FERMT3: variants seen among roughly 807,000 people sequenced by gnomAD.
FERMT3 encodes the protein FERM domain containing kindlin 3.
A neutral mutation model predicts 80.8 loss-of-function variants in FERMT3; 33 were observed. The observed-to-expected ratio is 0.41, with a 90% CI of 0.31 to 0.55. The LOEUF is 0.55. Among genes scored for constraint, FERMT3 ranks in the 20% least tolerant of loss-of-function variants. FERMT3 has a pLI of 0.31. For missense variants in FERMT3, 754 were observed against 908.7 expected (o/e 0.83, Z 2.19); for synonymous variants, 375 against 372.2 (o/e 1.01, Z -0.09).
Position 64,223,754 on chromosome 11 carries a change from G to T in FERMT3, c.*262G>T. Reference sequence around the variant, plus strand: ...CTGAGTGGCTGAGGCTGATACCCCTGACCTATCTGCAGTCCCCCAGCACAC... The same window carrying T: ...CTGAGTGGCTGAGGCTGATACCCCTTACCTATCTGCAGTCCCCCAGCACAC... On this transcript the variant is annotated 3_prime_UTR_variant, in exon 15 of 15. Transcript: ENST00000345728. The T allele has an allele frequency of 1.2e-6, 1 of 806,664 alleles. No individual in the cohort carries two copies. The highest frequency in any genetic ancestry group is 1.8e-5 in the South Asian group (1 of 56,130). 50.0% of individuals were successfully genotyped at this position (806,664 alleles called of 1,614,324 possible).
Position 64,210,389 on chromosome 11 carries a change from C to T in FERMT3, c.161-222C>T, listed in dbSNP as rs1319690609. Among the ~76,000 whole-genome samples the T allele has an allele frequency of 1.3e-4, 20 of 152,172 alleles. No homozygotes were observed. The highest frequency in any genetic ancestry group is 6.5e-5 in the Admixed American group (1 of 15,284). On this transcript the variant is annotated intron_variant, in intron 2 of 14. Transcript: ENST00000345728. This position sits in a 1 kb window ranked among gnomAD's most constrained non-coding sequence, Gnocchi z 4.3. ...TGGGTTGGAGAGCTCCCCTGGGAAG[C>T]GATATAGAAGCCAAGCCTAGAAGGC...
At chr11:64,217,857 C>T (rs1946583930) in intron 6 of FERMT3, among the ~76,000 whole-genome samples, 1 of 152,208 alleles carries the variant, frequency 6.6e-6, no homozygotes, top group Admixed American at 6.5e-5. Flanking sequence ...GTTCTTTTTG[C>T]TGATTGCTTT....
intron 6 of FERMT3, among the ~76,000 whole-genome samples, chr11:64,217,114 G>A (rs1216899629): frequency 1.3e-5 from 2 of 152,112 alleles, no homozygotes; most frequent in Admixed American, 6.6e-5. Flanking sequence ...ACTCTTTGTC[G>A]GGCATTTCTC....
chr11:64,212,231 T>C (rs956337248), intron 6 of FERMT3, among the ~76,000 whole-genome samples: 20 of 152,204 alleles, frequency 1.3e-4, no homozygotes, highest in African/African-American at 4.6e-4. Context: ...CCTTCCTCCA[T>C]TGGCAACCAA....
At chr11:64,218,985 T>A (rs2134878230) in intron 6 of FERMT3, among the ~76,000 whole-genome samples, 1 of 152,384 alleles carries the variant, frequency 6.6e-6, no homozygotes. Flanking sequence ...ACTCGGTCTC[T>A]CCTGCACCCA....
Position 64,211,218 on chromosome 11 carries a change from G to C in FERMT3, c.514+47G>C. ...CCTGGGGGGTTGGGGGCAGGGGCCG[G>C]CCCGTGAGTCCCAGCCCTGGGGGAC... On this transcript the variant is annotated intron_variant, in intron 4 of 14. Transcript: ENST00000345728. The surrounding 1 kb of genome is among the most constrained non-coding windows in gnomAD (Gnocchi z 4.7). The C allele has an allele frequency of 1.9e-6, 3 of 1,603,136 alleles. No homozygotes were observed. The highest frequency in any genetic ancestry group is 2.6e-6 in the Non-Finnish European group (3 of 1,175,854).
chr11:64,211,860 G>C lies in FERMT3; in HGVS notation c.786+113G>C, dbSNP rs1046367727. 9.8e-7 allele frequency: 1 copy of C among 1,016,562 alleles called. No homozygotes were observed. Among genetic ancestry groups the C allele is most frequent in the African/African-American group, 1.6e-5 (1 of 63,588 alleles). 63.0% of individuals were successfully genotyped at this position (1,016,562 alleles called of 1,614,324 possible). A position where few individuals can be genotyped will look rare whatever the true frequency, so the allele number is the denominator to read the frequency against. ...CTTGTAGTGGCCTGTCCGTCTGCCC[G>C]TTTGTCCATCCACACCTTTGTTTAC... On this transcript the variant is annotated intron_variant, in intron 6 of 14. Coordinates refer to ENST00000345728, the MANE Select transcript of FERMT3 (RefSeq NM_031471.6). This position sits in a 1 kb window ranked among gnomAD's most constrained non-coding sequence, Gnocchi z 4.7.
upstream of FERMT3, chr11:64,206,612 G>A (rs2134825239): frequency 6.5e-6 from 1 of 152,806 alleles, no homozygotes; most frequent in Admixed American, 6.5e-5. Flanking sequence ...GGGGCCCCTG[G>A]AACCCTCTGT....
Position 64,220,678 on chromosome 11 carries a change from A to T in FERMT3, c.1545+9A>T, listed in dbSNP as rs1278911662. On this transcript the variant is annotated intron_variant, in intron 12 of 14. Coordinates refer to ENST00000345728, the MANE Select transcript of FERMT3 (RefSeq NM_031471.6). Reference sequence around the variant, plus strand: ...AGTTCAAGGCCAAGCAGGTACCAGAAGGCGTCAGGGTGGGAATGAGCATAG... The same window carrying T: ...AGTTCAAGGCCAAGCAGGTACCAGATGGCGTCAGGGTGGGAATGAGCATAG... 6.2e-7 allele frequency: 1 copy of T among 1,605,692 alleles called. No individual in the cohort carries two copies. The highest frequency in any genetic ancestry group is 8.5e-7 in the Non-Finnish European group (1 of 1,175,920).
intron 2 of FERMT3, chr11:64,207,819 T>C (rs1386059391): frequency 6.0e-6 from 2 of 331,384 alleles, no homozygotes; most frequent in Non-Finnish European, 1.1e-5. Flanking sequence ...GGGCCGAGGC[T>C]GAAGTCACAT....
rs1265764966 is a variant in FERMT3, at chr11:64,219,287, G to GC, written c.826dup (p.Arg276ProfsTer10). On this transcript the variant is annotated frameshift_variant, in exon 7 of 15. Transcript: ENST00000345728. LOFTEE classifies it high-confidence loss of function. The surrounding 1 kb of genome is among the most constrained non-coding windows in gnomAD (Gnocchi z 4.0). ...GCGGCTGACACAGCTGTATGAGCAG[G>GC]CCCGGTGGGACCTGCTGCTGGAGGA... 6.2e-7 allele frequency: 1 copy of GC among 1,608,112 alleles called. No homozygotes were observed. The highest frequency in any genetic ancestry group is 8.5e-7 in the Non-Finnish European group (1 of 1,177,602).
At chr11:64,217,356 C>A (rs4077964) in intron 6 of FERMT3, among the ~76,000 whole-genome samples, 2,270 of 152,310 alleles carry the variant, frequency 0.015, 31 homozygotes, top group South Asian at 0.087. Context: ...TTGAGACCAG[C>A]CTGATCAACA....
chr11:64,210,206 T>C lies in FERMT3; in HGVS notation c.161-405T>C, dbSNP rs1420046822. On this transcript the variant is annotated intron_variant, in intron 2 of 14. Transcript: ENST00000345728. The surrounding 1 kb of genome is among the most constrained non-coding windows in gnomAD (Gnocchi z 4.3). ...TCCAGGCCCTGAGGACATACAACGGTGAGACAGACGTAGTCTCTGCCTCCA... is the reference window on the plus strand; with the variant it reads ...TCCAGGCCCTGAGGACATACAACGGCGAGACAGACGTAGTCTCTGCCTCCA... Among the ~76,000 whole-genome samples, 1 of 152,062 alleles carries C rather than the reference T, an allele frequency of 6.6e-6. No individual in the cohort carries two copies. Among genetic ancestry groups the C allele is most frequent in the Non-Finnish European group, 1.5e-5 (1 of 67,994 alleles).
At chr11:64,216,745 G>C (rs1012641073) in intron 6 of FERMT3, among the ~76,000 whole-genome samples, 1 of 141,436 alleles carries the variant, frequency 7.1e-6, no homozygotes, top group Non-Finnish European at 1.5e-5. Context: ...GCAGTGAGCC[G>C]AGATCACGCC....
chr11:64,210,700 G>A lies in FERMT3; in HGVS notation c.250G>A (p.Gly84Arg). The A allele has an allele frequency of 6.2e-7, 1 of 1,614,158 alleles. No homozygotes were observed. Among genetic ancestry groups the A allele is most frequent in the Non-Finnish European group, 8.5e-7 (1 of 1,180,014 alleles). The change falls in exon 3 of 15, where the codon GGG (glycine) becomes AGG (arginine). Residue 84 changes from glycine (G) to arginine (R), a missense_variant. Transcript: ENST00000345728. The surrounding 1 kb of genome is among the most constrained non-coding windows in gnomAD (Gnocchi z 4.3). Reference protein sequence around the residue: ...LQTHWTLDKYGILADARLFFG... With the variant: ...LQTHWTLDKYRILADARLFFG... ...GACCCACTGGACACTGGACAAGTAC[G>A]GGATCCTGGCCGACGCACGCCTCTT...
In FERMT3 at chr11:64,220,031, CA is replaced by C. The variant is rs1289972670; in HGVS notation, c.1204+17del. On this transcript the variant is annotated intron_variant, in intron 10 of 14. Coordinates refer to ENST00000345728, the MANE Select transcript of FERMT3 (RefSeq NM_031471.6). ...AACCTCAAGGGTAAGTGCACAGGGC[CA>C]GGGGCTGGGTGGGGGGATCCCCACT... The C allele has an allele frequency of 1.2e-6, 2 of 1,612,794 alleles. No individual in the cohort carries two copies. The highest frequency in any genetic ancestry group is 1.7e-6 in the Non-Finnish European group (2 of 1,179,564).
rs1165361379 is a variant in FERMT3, at chr11:64,210,819, T to C, written c.369T>C (p.Ala123=). The change falls in exon 3 of 15, where the codon GCT becomes GCC. Residue 123 remains alanine, a synonymous_variant. Transcript: ENST00000345728. The surrounding 1 kb of genome is among the most constrained non-coding windows in gnomAD (Gnocchi z 4.3). ...RASFSQPLFQ[A]VAAICRLLSI... ...GCTTCTCCCAGCCCCTCTTCCAGGC[T>C]GTGGCTGCCATCTGCCGCCTCCTCA... The C allele has an allele frequency of 1.9e-6, 3 of 1,613,060 alleles. No individual in the cohort carries two copies. Among genetic ancestry groups the C allele is most frequent in the Non-Finnish European group, 2.5e-6 (3 of 1,180,012 alleles).
At chr11:64,220,045 GGGGATCCCCACTTGT>G in intron 10 of FERMT3, 30 bp downstream of exon 10, 1 of 1,612,206 alleles carries the variant, frequency 6.2e-7, no homozygotes, top group Non-Finnish European at 8.5e-7. Flanking sequence ...GGCTGGGTGG[GGGGATCCCCACTTGT>G]GGGCTAGGCA....
intron 13 of FERMT3, among the ~76,000 whole-genome samples, chr11:64,221,699 C>T (rs999732216): frequency 6.6e-6 from 1 of 150,706 alleles, no homozygotes; most frequent in Non-Finnish European, 1.5e-5. Flanking sequence ...GAGGCCGAGG[C>T]GGGCAGATCA....
Sources: gnomAD v4.1 joint callset for allele counts (sites outside exome capture counted in the v4.1 genomes callset) on GRCh38, gnomAD v4.1.1 for gene constraint, Gnocchi (gnomAD v3.1) non-coding constraint, MANE v1.5 for transcripts, NCBI Gene and HGNC (gene_info 2026-07-23, HGNC 2026-07-21) for gene names.